FGF7: variants seen among roughly 807,000 people sequenced by gnomAD.
The protein encoded by FGF7 is fibroblast growth factor 7, also known as FGF-7.
Under a neutral mutation model 20.5 loss-of-function variants are expected in FGF7, and 6 were observed. The observed-to-expected ratio is 0.29, with a 90% CI of 0.16 to 0.58. The LOEUF (loss-of-function observed/expected upper bound fraction) is 0.58, where lower values mean the gene tolerates loss of function less well. Ranked by LOEUF, FGF7 falls within the 20% of genes least tolerant of loss-of-function variation. FGF7 has a pLI of 0.90. For synonymous variants in FGF7, 64 were observed against 74.7 expected (o/e 0.86, Z 0.74); for missense variants, 144 against 228.8 (o/e 0.63, Z 2.39).
chr15:49,475,032 G>A (rs945900630), intron 2 of FGF7, among the ~76,000 whole-genome samples: 3 of 152,006 alleles, frequency 2.0e-5, no homozygotes, highest in African/African-American at 4.8e-5. Flanking sequence ...ACAATGGTAT[G>A]GAAAACATAC....
chr15:49,433,736 T>C (rs1055324248), intron 2 of FGF7, among the ~76,000 whole-genome samples: 4 of 151,648 alleles, frequency 2.6e-5, no homozygotes, highest in Admixed American at 6.6e-5. Context: ...TGGCAGGGCA[T>C]AGTGAAGACC....
intron 2 of FGF7, among the ~76,000 whole-genome samples, chr15:49,456,920 A>G (rs1173549125): frequency 6.6e-6 from 1 of 152,104 alleles, no homozygotes; most frequent in Non-Finnish European, 1.5e-5. Flanking sequence ...AATCCAATTT[A>G]ATTTTTAAAA....
chr15:49,461,173 A>G (rs1171477889), intron 2 of FGF7, among the ~76,000 whole-genome samples: 1 of 152,174 alleles, frequency 6.6e-6, no homozygotes, highest in Admixed American at 6.6e-5. Context: ...TAGACTAGTG[A>G]CAGATCTTTT....
At chr15:49,432,535 T>A (rs2050709879) in intron 2 of FGF7, among the ~76,000 whole-genome samples, 1 of 151,648 alleles carries the variant, frequency 6.6e-6, no homozygotes, top group Non-Finnish European at 1.5e-5. Flanking sequence ...CTGGTTTGGG[T>A]GGAATATTTA....
chr15:49,427,135 T>C (rs1567254641), intron 2 of FGF7, among the ~76,000 whole-genome samples: 1 of 152,062 alleles, frequency 6.6e-6, no homozygotes, highest in Non-Finnish European at 1.5e-5. Flanking sequence ...CTTACTATAA[T>C]AATTTTAAGA....
intron 2 of FGF7, among the ~76,000 whole-genome samples, chr15:49,439,946 G>A (rs2051481857): frequency 6.6e-6 from 1 of 151,664 alleles, no homozygotes; most frequent in Non-Finnish European, 1.5e-5. Flanking sequence ...AACTGGAAAG[G>A]AAAAAATATG....
At chr15:49,479,119 A>C (rs1377230901) in intron 2 of FGF7, among the ~76,000 whole-genome samples, 4 of 152,210 alleles carry the variant, frequency 2.6e-5, no homozygotes, top group Non-Finnish European at 5.9e-5. Context: ...CATAGTCTCT[A>C]GTGTGTAAGG....
chr15:49,470,581 A>C (rs2054650190), intron 2 of FGF7, among the ~76,000 whole-genome samples: 1 of 152,184 alleles, frequency 6.6e-6, no homozygotes, highest in African/African-American at 2.4e-5. Flanking sequence ...CTTAATTCTC[A>C]AAATGACCTG....
chr15:49,443,121 T>C (rs368553181), intron 2 of FGF7, among the ~76,000 whole-genome samples: 144 of 151,794 alleles, frequency 9.5e-4, no homozygotes, highest in Non-Finnish European at 1.7e-3. Flanking sequence ...TGAAGCTCCT[T>C]GTACTGGTCC....
chr15:49,432,036 C>A (rs2050668992), intron 2 of FGF7, among the ~76,000 whole-genome samples: 1 of 151,624 alleles, frequency 6.6e-6, no homozygotes, highest in Non-Finnish European at 1.5e-5. Flanking sequence ...CTGTAATAAT[C>A]TTTGCTTATT....
chr15:49,451,055 TAATTCA>T (rs2052682589), intron 2 of FGF7, among the ~76,000 whole-genome samples: 1 of 152,238 alleles, frequency 6.6e-6, no homozygotes, highest in Non-Finnish European at 1.5e-5. Context: ...AATGACAGTT[TAATTCA>T]ATCAAAATTT....
chr15:49,432,268 T>C (rs2050684811), intron 2 of FGF7, among the ~76,000 whole-genome samples: 1 of 151,700 alleles, frequency 6.6e-6, no homozygotes, highest in African/African-American at 2.4e-5. Context: ...TAAGGTAATA[T>C]TTCCAAACTG....
At chr15:49,471,661 G>A (rs1406522038) in intron 2 of FGF7, among the ~76,000 whole-genome samples, 6 of 151,924 alleles carry the variant, frequency 3.9e-5, no homozygotes, top group South Asian at 4.2e-4. Context: ...CAAGAATGGC[G>A]AATCTGGTCT....
chr15:49,454,320 C>T (rs1206235608), intron 2 of FGF7, among the ~76,000 whole-genome samples: 2 of 152,242 alleles, frequency 1.3e-5, no homozygotes, highest in East Asian at 3.9e-4. Flanking sequence ...CTCTTTTCCC[C>T]CTTTCCAGTT....
chr15:49,461,362 C>CT (rs2053781170), intron 2 of FGF7, among the ~76,000 whole-genome samples: 1 of 152,192 alleles, frequency 6.6e-6, no homozygotes, highest in Non-Finnish European at 1.5e-5. Flanking sequence ...GTCAATAACT[C>CT]TGCTTCATTT....
At chr15:49,472,415 T>A (rs940933077) in intron 2 of FGF7, among the ~76,000 whole-genome samples, 9 of 152,174 alleles carry the variant, frequency 5.9e-5, no homozygotes, top group African/African-American at 2.2e-4. Flanking sequence ...GCTGGGTACC[T>A]TTTATGGAAG....
At chr15:49,481,161 C>T (rs1416842619) in intron 2 of FGF7, among the ~76,000 whole-genome samples, 1 of 152,136 alleles carries the variant, frequency 6.6e-6, no homozygotes, top group Non-Finnish European at 1.5e-5. Context: ...ATGCTAAGAT[C>T]TTTAGAAACC....
chr15:49,432,568 A>G (rs2050712642), intron 2 of FGF7, among the ~76,000 whole-genome samples: 1 of 151,650 alleles, frequency 6.6e-6, no homozygotes, highest in Non-Finnish European at 1.5e-5. Flanking sequence ...TTTCAACTTG[A>G]GAGCTATTGT....
chr15:49,481,437 T>C (rs894042418), intron 2 of FGF7, among the ~76,000 whole-genome samples: 4 of 152,238 alleles, frequency 2.6e-5, no homozygotes, highest in East Asian at 3.9e-4. Context: ...AGTTACCAAA[T>C]AGAGTGCTCT....
Sources: allele counts gnomAD v4.1 joint callset (sites outside exome capture counted in the v4.1 genomes callset), GRCh38; gene constraint gnomAD v4.1.1; transcripts MANE v1.5; gene names NCBI Gene and HGNC (gene_info 2026-07-23, HGNC 2026-07-21).